SART3: variants seen among roughly 807,000 people sequenced by gnomAD.
The protein encoded by SART3 is spliceosome associated factor 3, U4/U6 recycling protein.
In SART3, 44 loss-of-function variants were observed where a neutral mutation model predicts 122.3. The observed-to-expected ratio is 0.36, with a 90% CI of 0.28 to 0.46. The LOEUF (loss-of-function observed/expected upper bound fraction) is 0.46. SART3 is among the 20% of genes least tolerant of loss of function. The pLI, the probability that SART3 is intolerant of heterozygous loss-of-function variation, is 1.00. For missense variants in SART3, 1,101 were observed against 1,229.0 expected (o/e 0.90, Z 1.56); for synonymous variants, 442 against 454.0 (o/e 0.97, Z 0.34).
intron 1 of SART3, among the ~76,000 whole-genome samples, chr12:108,559,039 GAAAAA>G (rs747479698): frequency 7.7e-5 from 8 of 103,946 alleles, no homozygotes; most frequent in African/African-American, 1.5e-4. Flanking sequence ...TCTCAAAAAA[GAAAAA>G]AAAAAAAAAA....
intron 1 of SART3, among the ~76,000 whole-genome samples, chr12:108,553,515 T>C (rs2030089786): frequency 6.6e-6 from 1 of 152,238 alleles, no homozygotes; most frequent in Non-Finnish European, 1.5e-5. Flanking sequence ...TTCATTAGTA[T>C]CTACTCTTCC....
At chr12:108,552,920 T>C (rs1026449412) in intron 1 of SART3, among the ~76,000 whole-genome samples, 2 of 152,166 alleles carry the variant, frequency 1.3e-5, no homozygotes, top group Admixed American at 6.5e-5. Context: ...GAGTAATCAC[T>C]CTACCTGATT....
intron 18 of SART3, 114 bp from the exon 19 acceptor site, chr12:108,523,748 A>AC: frequency 1.0e-6 from 1 of 967,486 alleles, no homozygotes; most frequent in Non-Finnish European, 1.6e-6. Context: ...AAGGTGAAAA[A>AC]AAAAAAGGAT....
chr12:108,527,749 A>G (rs1261059308), intron 15 of SART3, among the ~76,000 whole-genome samples: 3 of 152,130 alleles, frequency 2.0e-5, no homozygotes, highest in East Asian at 3.9e-4. Context: ...TTTCAAGTCC[A>G]GAGACAATTC....
At chr12:108,526,677 C>T (rs1178804032) in intron 15 of SART3, 124 bp from the exon 16 acceptor site, 5 of 1,038,684 alleles carry the variant, frequency 4.8e-6, no homozygotes, top group South Asian at 2.6e-5. Flanking sequence ...TCACCAGACT[C>T]GGAGGGGCAA....
chr12:108,536,823 A>G (rs1367396503), intron 9 of SART3, 38 bp from the exon 10 acceptor site: 1 of 1,581,112 alleles, frequency 6.3e-7, no homozygotes, highest in Non-Finnish European at 8.7e-7. Context: ...AGGAAACCAC[A>G]TAGCCTGGCT....
In SART3 at chr12:108,529,425, T is replaced by C. The variant is rs190149972; in HGVS notation, c.1915+717A>G. ...ACTCAAAGGAACCTTGGAGAAATGATGGATTCCAGGGCTGAGTTATGGAAA... is the reference window on the plus strand; with the variant it reads ...ACTCAAAGGAACCTTGGAGAAATGACGGATTCCAGGGCTGAGTTATGGAAA... On this transcript the variant is annotated intron_variant, in intron 15 of 18. Coordinates refer to ENST00000546815, the MANE Select transcript of SART3 (RefSeq NM_014706.4). 2.0e-5 allele frequency among the ~76,000 whole-genome samples: 3 copies of C among 152,230 alleles called. No individual in the cohort carries two copies. In the East Asian group the frequency reaches 5.8e-4, roughly 29 times the overall value.
chr12:108,531,382 C>T, intron 13 of SART3, 102 bp from the exon 14 acceptor site: 1 of 837,230 alleles, frequency 1.2e-6, no homozygotes, highest in Non-Finnish European at 2.0e-6. Context: ...GAGATCTCTC[C>T]CATCAAACAA....
chr12:108,559,775 T>A (rs753657030), intron 1 of SART3, among the ~76,000 whole-genome samples: 1 of 150,866 alleles, frequency 6.6e-6, no homozygotes, highest in Non-Finnish European at 1.5e-5. Context: ...AGTATAGACC[T>A]CATGCACAGG....
chr12:108,537,759 C>A, intron 8 of SART3, 164 bp from the exon 9 acceptor site: 1 of 705,114 alleles, frequency 1.4e-6, no homozygotes, highest in Non-Finnish European at 2.5e-6. Flanking sequence ...GTTGCTACAG[C>A]ACTCTACAGA....
chr12:108,559,072 T>TAAAAAA, intron 1 of SART3, among the ~76,000 whole-genome samples: 1 of 141,502 alleles, frequency 7.1e-6, no homozygotes. Flanking sequence ...GTAGAAATGC[T>TAAAAAA]AACCACCTGC....
intron 1 of SART3, among the ~76,000 whole-genome samples, chr12:108,552,528 T>C (rs963908905): frequency 3.6e-5 from 4 of 110,388 alleles, no homozygotes; most frequent in Non-Finnish European, 7.3e-5. Flanking sequence ...GAATATAAGA[T>C]AAACATACAA....
chr12:108,535,415 C>A lies in SART3; in HGVS notation c.1500G>T (p.Met500Ile). Reference protein sequence around the residue: ...QKARELWDSIMTRGNAKYANM... With the variant: ...QKARELWDSIITRGNAKYANM... ...TGGCGTACTTGGCATTTCCTCTGGT[C>A]ATGATGCTATCCCAGAGTTCCCGAG... Residue 500 changes from methionine to isoleucine, a missense_variant, in exon 12 of 19, where the codon ATG (methionine) becomes ATT (isoleucine). Met to Ile is a conservative substitution (Grantham distance 10). Transcript: ENST00000546815. 1 of 1,614,112 alleles carries A rather than the reference C, an allele frequency of 6.2e-7. No homozygotes were observed. The highest frequency in any genetic ancestry group is 1.1e-5 in the South Asian group (1 of 91,050).
chr12:108,534,459 G>C (rs903835846), intron 12 of SART3, among the ~76,000 whole-genome samples: 1 of 151,854 alleles, frequency 6.6e-6, no homozygotes, highest in African/African-American at 2.4e-5. Context: ...CGAGGTAGGA[G>C]GATCACTTGA....
At chr12:108,545,651 G>A (rs1873370919) in intron 3 of SART3, among the ~76,000 whole-genome samples, 1 of 152,150 alleles carries the variant, frequency 6.6e-6, no homozygotes, top group South Asian at 2.1e-4. Flanking sequence ...GGGCCACAGA[G>A]CAGAGATACA....
At chr12:108,538,694 A>G (rs1873021148) in intron 7 of SART3, among the ~76,000 whole-genome samples, 1 of 152,256 alleles carries the variant, frequency 6.6e-6, no homozygotes, top group Non-Finnish European at 1.5e-5. Flanking sequence ...GTTAAAAGAA[A>G]AATATCAAGT....
At chr12:108,550,013 CAAAAAAAAAAAA>C (rs10572379) in intron 1 of SART3, among the ~76,000 whole-genome samples, 2 of 88,244 alleles carry the variant, frequency 2.3e-5, no homozygotes, top group African/African-American at 4.5e-5. Context: ...GACCCAATCT[CAAAAAAAAAAAA>C]AAAAAAAAAA....
intron 6 of SART3, among the ~76,000 whole-genome samples, chr12:108,540,094 A>G (rs376688578): frequency 1.7e-4 from 26 of 152,340 alleles, no homozygotes; most frequent in African/African-American, 5.3e-4. Context: ...ACTTCAAGCC[A>G]GTCCACACAT....
At position 108,543,141 on chromosome 12, in the gene SART3, T is replaced by G; in HGVS notation, c.793A>C (p.Thr265Pro). 1 of 1,614,214 alleles carries G rather than the reference T, an allele frequency of 6.2e-7. No homozygotes were observed. Among genetic ancestry groups the G allele is most frequent in the Non-Finnish European group, 8.5e-7 (1 of 1,180,016 alleles). ...LAIPLYDMEA[T>P]FAEYEEWSED... is the part of the protein sequence containing the mutation. ...GACCATTCTTCATACTCTGCAAATGTGGCCTCCATATCTATTGAAAGATGG... is the reference window on the plus strand; with the variant it reads ...GACCATTCTTCATACTCTGCAAATGGGGCCTCCATATCTATTGAAAGATGG... The change falls in exon 6 of 19, where the codon ACA becomes CCA. Residue 265 changes from threonine to proline, a missense_variant. This residue lies in a region of SART3 where 885 missense variants were observed against 1,080.1 expected (regional missense o/e 0.82). Transcript: ENST00000546815.
Sources: allele counts gnomAD v4.1 joint callset (sites outside exome capture counted in the v4.1 genomes callset), GRCh38; gene constraint gnomAD v4.1.1; regional missense constraint gnomAD v4.1.1; transcripts MANE v1.5; gene names NCBI Gene and HGNC (gene_info 2026-07-23, HGNC 2026-07-21).